Variants in CSMD1 observed in about 807,000 individuals in gnomAD.
CSMD1 encodes the protein CUB and Sushi multiple domains 1.
In CSMD1, 213 loss-of-function variants were observed where a neutral mutation model predicts 417.5. The ratio of observed to expected loss-of-function variants is 0.51; its 90% CI spans 0.46 to 0.57. CSMD1 has a LOEUF of 0.57. Ranked by LOEUF, CSMD1 falls within the 20% of genes least tolerant of loss-of-function variation. The pLI is 0.00. For synonymous variants in CSMD1, 2,862 were observed against 1,736.8 expected (o/e 1.65, Z -16.11); for missense variants, 6,923 against 4,529.7 (o/e 1.53, Z -15.17).
At chr8:3,635,980 A>G (rs575715432) in intron 7 of CSMD1, among the ~76,000 whole-genome samples, 1 of 152,260 alleles carries the variant, frequency 6.6e-6, no homozygotes, top group East Asian at 1.9e-4. Flanking sequence ...GCTCTTTTGT[A>G]ATAACACTTA....
chr8:4,703,684 C>T (rs1357990593), intron 1 of CSMD1, among the ~76,000 whole-genome samples: 1 of 152,062 alleles, frequency 6.6e-6, no homozygotes, highest in Admixed American at 6.6e-5. Context: ...GTTGACTTAG[C>T]ATTGCCTGCG....
intron 17 of CSMD1, among the ~76,000 whole-genome samples, chr8:3,390,434 T>G (rs555601590): frequency 1.4e-5 from 2 of 144,696 alleles, no homozygotes; most frequent in Non-Finnish European, 3.0e-5. Context: ...TATGATAAAC[T>G]AAGACCAGTC....
intron 46 of CSMD1, among the ~76,000 whole-genome samples, chr8:3,100,681 T>C (rs77628670): frequency 0.015 from 2,301 of 152,306 alleles, 28 homozygotes; most frequent in East Asian, 0.041. Context: ...CCCCAGATTG[T>C]TTTTAAAGAA....
intron 5 of CSMD1, among the ~76,000 whole-genome samples, chr8:3,955,689 G>C (rs746990134): frequency 2.6e-5 from 4 of 152,114 alleles, no homozygotes; most frequent in Non-Finnish European, 5.9e-5. Flanking sequence ...GATGAGGAAA[G>C]AGGATGAATA....
At chr8:4,042,054 C>T (rs1314045911) in intron 3 of CSMD1, among the ~76,000 whole-genome samples, 1 of 151,878 alleles carries the variant, frequency 6.6e-6, no homozygotes, top group Non-Finnish European at 1.5e-5. Flanking sequence ...CAAGCAGACA[C>T]AAGTATGTAA....
At chr8:4,342,017 G>C (rs945501857) in intron 3 of CSMD1, among the ~76,000 whole-genome samples, 1 of 152,042 alleles carries the variant, frequency 6.6e-6, no homozygotes, top group East Asian at 1.9e-4. Context: ...TTTAAGACTT[G>C]GTCTCAAGAT....
At position 3,453,180 on chromosome 8, in the gene CSMD1, T is replaced by C. The variant is rs60177509; in HGVS notation, c.1561+15532A>G. 2.0e-5 allele frequency among the ~76,000 whole-genome samples: 3 copies of C among 152,320 alleles called. No individual in the cohort carries two copies. The East Asian group carries it at 5.8e-4, about 29-fold the overall frequency. On this transcript the variant is annotated intron_variant, in intron 12 of 69. Coordinates refer to ENST00000635120, the MANE Select transcript of CSMD1 (RefSeq NM_033225.6). ...GTGGTGATATCCCCTTCATTTTTTATTGCTTCTATTTGATTCTTTTCTCTT... is the reference window on the plus strand; with the variant it reads ...GTGGTGATATCCCCTTCATTTTTTACTGCTTCTATTTGATTCTTTTCTCTT...
intron 23 of CSMD1, among the ~76,000 whole-genome samples, chr8:3,331,146 G>A (rs890089163): frequency 2.0e-5 from 3 of 151,874 alleles, no homozygotes; most frequent in Admixed American, 6.6e-5. Flanking sequence ...GCTGAGGCAG[G>A]AGAATGGTGT....
chr8:4,039,104 G>C (rs957059906), intron 3 of CSMD1, among the ~76,000 whole-genome samples: 18 of 152,144 alleles, frequency 1.2e-4, no homozygotes, highest in African/African-American at 3.9e-4. Context: ...CTATCGAAAG[G>C]AAGTTTAAAA....
intron 3 of CSMD1, among the ~76,000 whole-genome samples, chr8:4,414,941 T>C (rs758745392): frequency 3.9e-5 from 6 of 152,124 alleles, no homozygotes; most frequent in Non-Finnish European, 8.8e-5. Flanking sequence ...TTCTGTCTTC[T>C]CCCTGCATTT....
At chr8:3,832,990 T>G (rs1325486066) in intron 5 of CSMD1, among the ~76,000 whole-genome samples, 1 of 152,190 alleles carries the variant, frequency 6.6e-6, no homozygotes, top group Non-Finnish European at 1.5e-5. Context: ...GACACTGTTT[T>G]CTTTTTATAT....
intron 1 of CSMD1, among the ~76,000 whole-genome samples, chr8:4,662,681 C>T (rs1236631661): frequency 2.6e-5 from 4 of 152,150 alleles, no homozygotes; most frequent in African/African-American, 9.7e-5. Context: ...GGTCTACTTT[C>T]AGGAGCATTT....
At chr8:3,519,137 G>T (rs909010342) in intron 10 of CSMD1, among the ~76,000 whole-genome samples, 8 of 152,104 alleles carry the variant, frequency 5.3e-5, no homozygotes, top group African/African-American at 1.4e-4. Flanking sequence ...AACTTAAAAA[G>T]AAAAACATAC....
intron 1 of CSMD1, among the ~76,000 whole-genome samples, chr8:4,759,566 G>C (rs955734666): frequency 7.0e-6 from 1 of 143,568 alleles, no homozygotes; most frequent in Non-Finnish European, 1.5e-5. Context: ...CCCTTTCCCC[G>C]AACCATCCCC....
rs150937409 is a variant in CSMD1, at chr8:3,297,803, G to C, written c.3950+9892C>G. 2.6e-5 allele frequency among the ~76,000 whole-genome samples: 4 copies of C among 152,120 alleles called. No individual in the cohort carries two copies. In the East Asian group the frequency reaches 5.8e-4, roughly 22 times the overall value. ...CAACCTTAACAAAGTTTGTGGCATA[G>C]CATACATTTAAATATAGTTTAAAAA... On this transcript the variant is annotated intron_variant, in intron 25 of 69. Coordinates refer to ENST00000635120, the MANE Select transcript of CSMD1 (RefSeq NM_033225.6).
chr8:3,387,561 T>G lies in CSMD1; in HGVS notation c.2715A>C (p.Leu905=). The change falls in exon 18 of 70, where the codon CTA becomes CTC. Residue 905 remains leucine, a synonymous_variant. Transcript: ENST00000635120. Reference sequence around the variant, plus strand: ...CACAGACGAGGGGCTCGTCGTCACTTAGTGTGTACCCCGGGTCACAGCTGA... The same window carrying G: ...CACAGACGAGGGGCTCGTCGTCACTGAGTGTGTACCCCGGGTCACAGCTGA... ...VTFSCDPGYT[L]SDDEPLVCER... 1 of 1,602,498 alleles carries G rather than the reference T, an allele frequency of 6.2e-7. No homozygotes were observed. Among genetic ancestry groups the G allele is most frequent in the South Asian group, 1.1e-5 (1 of 88,632 alleles).
intron 3 of CSMD1, among the ~76,000 whole-genome samples, chr8:4,372,841 C>T (rs74679544): frequency 0.019 from 2,822 of 152,082 alleles, 87 homozygotes; most frequent in African/African-American, 0.063. Context: ...GCCCAATTTC[C>T]AGTGCAGAAG....
intron 5 of CSMD1, among the ~76,000 whole-genome samples, chr8:3,944,003 T>C (rs767639446): frequency 1.3e-5 from 2 of 152,150 alleles, no homozygotes; most frequent in Non-Finnish European, 2.9e-5. Context: ...AGAGTTAATA[T>C]ATTGACTTTA....
At chr8:4,574,674 C>T (rs545978720) in intron 2 of CSMD1, among the ~76,000 whole-genome samples, 6 of 152,274 alleles carry the variant, frequency 3.9e-5, no homozygotes, top group South Asian at 4.1e-4. Context: ...ATTAGCTATA[C>T]GCTCTCTTCC....
Sources: allele counts gnomAD v4.1 joint callset (sites outside exome capture counted in the v4.1 genomes callset), GRCh38; gene constraint gnomAD v4.1.1; transcripts MANE v1.5; gene names NCBI Gene and HGNC (gene_info 2026-07-23, HGNC 2026-07-21).